Variants in GON4L observed in about 807,000 individuals in gnomAD.
GON4L encodes gon-4 like, also known as GON-4-like protein.
In GON4L, 87 loss-of-function variants were observed where a neutral mutation model predicts 211.8. That is an observed-to-expected ratio of 0.41 (90% CI 0.35 to 0.49). The LOEUF (loss-of-function observed/expected upper bound fraction) is 0.49, where lower values mean the gene tolerates loss of function less well. GON4L is among the 20% of genes least tolerant of loss of function. The pLI is 0.15. For synonymous variants in GON4L, 875 were observed against 962.6 expected, an observed-to-expected ratio of 0.91 and a Z score of 1.68; for missense variants, 2,155 against 2,659.5, an observed-to-expected ratio of 0.81 and a Z score of 4.17.
intron 10 of GON4L, among the ~76,000 whole-genome samples, chr1:155,808,821 AG>A (rs1423829331): frequency 6.6e-6 from 1 of 152,002 alleles, no homozygotes; most frequent in Non-Finnish European, 1.5e-5. Flanking sequence ...TAGGTTACCC[AG>A]GCTTGTCTTG....
chr1:155,830,462 A>T (rs546054128), intron 2 of GON4L, among the ~76,000 whole-genome samples: 2 of 151,226 alleles, frequency 1.3e-5, no homozygotes, highest in Non-Finnish European at 2.9e-5. Flanking sequence ...TTTTTAGTAG[A>T]GATGGGGTTT....
At chr1:155,814,606 C>T (rs776055006) in intron 8 of GON4L, among the ~76,000 whole-genome samples, 157 bp from the exon 9 acceptor site, 36 of 151,884 alleles carry the variant, frequency 2.4e-4, no homozygotes, top group Admixed American at 4.6e-4. Context: ...ATAAGCCAGG[C>T]GCGGTGGCGT....
chr1:155,831,253 T>C (rs1669734293), intron 2 of GON4L, among the ~76,000 whole-genome samples: 1 of 151,994 alleles, frequency 6.6e-6, no homozygotes. Flanking sequence ...GAGCCGTAAT[T>C]GCACTGCTGT....
chr1:155,824,398 C>T (rs1668991160), intron 3 of GON4L, among the ~76,000 whole-genome samples: 1 of 138,214 alleles, frequency 7.2e-6, no homozygotes, highest in Non-Finnish European at 1.5e-5. Context: ...TGCACCATTG[C>T]ACTCCAGCCT....
chr1:155,858,906 G>A (rs929900429), upstream of GON4L, among the ~76,000 whole-genome samples: 9 of 151,860 alleles, frequency 5.9e-5, no homozygotes, highest in Non-Finnish European at 1.2e-4. Flanking sequence ...TGCTGGCCAG[G>A]CTGGTCTCGA....
At chr1:155,856,963 C>T (rs138357375) in intron 1 of GON4L, among the ~76,000 whole-genome samples, 184 bp downstream of exon 1, 1 of 152,138 alleles carries the variant, frequency 6.6e-6, no homozygotes, top group South Asian at 2.1e-4. Flanking sequence ...GTCCTAACCG[C>T]GCTTCCACCT....
intron 11 of GON4L, among the ~76,000 whole-genome samples, chr1:155,801,181 T>G (rs934687691): frequency 2.0e-5 from 3 of 150,906 alleles, no homozygotes; most frequent in Non-Finnish European, 4.4e-5. Flanking sequence ...TTTCTGAACC[T>G]GGTAGAAACA....
At chr1:155,817,784 C>CA (rs1378198214) in intron 6 of GON4L, among the ~76,000 whole-genome samples, 1 of 152,084 alleles carries the variant, frequency 6.6e-6, no homozygotes, top group African/African-American at 2.4e-5. Flanking sequence ...ATTAGCTGGA[C>CA]ATGGTGGCAC....
intron 10 of GON4L, 130 bp downstream of exon 10, chr1:155,813,504 A>G: frequency 1.3e-6 from 1 of 753,616 alleles, no homozygotes; most frequent in Non-Finnish European, 2.3e-6. Context: ...CACTAGCCAA[A>G]TACAAAGTAT....
chr1:155,786,751 T>C (rs1191317098), intron 12 of GON4L, among the ~76,000 whole-genome samples: 1 of 152,118 alleles, frequency 6.6e-6, no homozygotes, highest in African/African-American at 2.4e-5. Flanking sequence ...CATATACGGA[T>C]AAATTTAAAG....
At chr1:155,814,664 TGA>T (rs1486229178) in intron 8 of GON4L, among the ~76,000 whole-genome samples, 2 of 151,752 alleles carry the variant, frequency 1.3e-5, no homozygotes, top group Non-Finnish European at 2.9e-5. Context: ...GAGTATCACT[TGA>T]ATCCAGGAGA....
chr1:155,853,639 A>G lies in GON4L; in HGVS notation c.142T>C (p.Ser48Pro), dbSNP rs371652105. The G allele has an allele frequency of 1.2e-6, 2 of 1,614,058 alleles. No homozygotes were observed. The highest frequency in any genetic ancestry group is 1.7e-6 in the Non-Finnish European group (2 of 1,180,018). The change falls in exon 2 of 32, where the codon TCC becomes CCC. Residue 48 changes from serine to proline, a missense_variant. By Grantham distance (74) the Ser-to-Pro change is moderately conservative. Coordinates refer to ENST00000368331, the MANE Select transcript of GON4L (RefSeq NM_001282860.2). Reference sequence around the variant, plus strand: ...ACTCTGCCATGACTTGGATCCCAGGATAGTGACACCGAACTCAAGTCCTTA... The same window carrying G: ...ACTCTGCCATGACTTGGATCCCAGGGTAGTGACACCGAACTCAAGTCCTTA... The part of the protein sequence containing the change: ...QVKDLSSVSL[S>P]WDPSHGRVAG...
At chr1:155,788,148 C>A (rs781375909) in intron 12 of GON4L, among the ~76,000 whole-genome samples, 1 of 152,014 alleles carries the variant, frequency 6.6e-6, no homozygotes, top group African/African-American at 2.4e-5. Flanking sequence ...TGCGCCACCA[C>A]GCCTGGCTAA....
intron 28 of GON4L, 63 bp from the exon 29 acceptor site, chr1:155,753,477 C>G: frequency 8.0e-7 from 1 of 1,250,496 alleles, no homozygotes; most frequent in Non-Finnish European, 1.2e-6. Flanking sequence ...TTGGGGCCCA[C>G]CAAAGGAAGA....
At chr1:155,796,519 C>T (rs1337936573) in intron 11 of GON4L, among the ~76,000 whole-genome samples, 1 of 152,054 alleles carries the variant, frequency 6.6e-6, no homozygotes, top group Admixed American at 6.6e-5. Context: ...CTCAGGTGAT[C>T]CGCCTGCATT....
At chr1:155,789,015 G>A (rs1007791422) in intron 12 of GON4L, among the ~76,000 whole-genome samples, 3 of 151,658 alleles carry the variant, frequency 2.0e-5, no homozygotes, top group Non-Finnish European at 4.4e-5. Flanking sequence ...GCGTGAACCT[G>A]GTAGGCGGAG....
rs181926244 is a variant in GON4L, at chr1:155,780,211, T to A, written c.1893-2391A>T. Among the ~76,000 whole-genome samples, 188 of 152,332 alleles carry A rather than the reference T, an allele frequency of 1.2e-3. 1 individual carries two copies. Among genetic ancestry groups the A allele is most frequent in the African/African-American group, 4.3e-3 (180 of 41,580 alleles). On this transcript the variant is annotated intron_variant, in intron 14 of 31. Transcript: ENST00000368331. ...GTAAACTATCATTACTTTAGTTATTTTAGTATATCCTTTTCCTGCTTCATG... is the reference window on the plus strand; with the variant it reads ...GTAAACTATCATTACTTTAGTTATTATAGTATATCCTTTTCCTGCTTCATG...
intron 3 of GON4L, 80 bp downstream of exon 3, chr1:155,826,757 T>A: frequency 1.1e-6 from 1 of 921,520 alleles, no homozygotes; most frequent in Non-Finnish European, 1.8e-6. Flanking sequence ...ATTCAGGATA[T>A]CTTAGGACAT....
chr1:155,774,515 G>A (rs891790687), intron 17 of GON4L, among the ~76,000 whole-genome samples: 2 of 151,924 alleles, frequency 1.3e-5, no homozygotes, highest in Non-Finnish European at 2.9e-5. Flanking sequence ...CACTGTGTTC[G>A]CCAGGATGGT....
Sources: gnomAD v4.1 joint callset for allele counts (sites outside exome capture counted in the v4.1 genomes callset) on GRCh38, gnomAD v4.1.1 for gene constraint, MANE v1.5 for transcripts, NCBI Gene and HGNC (gene_info 2026-07-23, HGNC 2026-07-21) for gene names.